Variants in ABCA13 observed in about 807,000 individuals in gnomAD.
The protein encoded by ABCA13 is ATP-binding cassette sub-family A member 13.
In ABCA13, 476 loss-of-function variants were observed where a neutral mutation model predicts 478.7. The observed-to-expected ratio is 0.99, with a 90% CI of 0.92 to 1.07. The LOEUF (loss-of-function observed/expected upper bound fraction) is 1.07. Ranked by LOEUF, ABCA13 falls within the 50% of genes least tolerant of loss-of-function variation. The probability of loss-of-function intolerance (pLI) is 0.00; values close to 1 mark genes in which losing one functional copy is unlikely to be tolerated. For missense variants in ABCA13, 6,060 were observed against 5,910.6 expected, an observed-to-expected ratio of 1.03 and a Z score of -0.83; for synonymous variants, 2,252 against 2,158.9, an observed-to-expected ratio of 1.04 and a Z score of -1.20.
chr7:48,394,357 A>G (rs1436770815), intron 38 of ABCA13, among the ~76,000 whole-genome samples: 3 of 152,112 alleles, frequency 2.0e-5, no homozygotes, highest in Non-Finnish European at 4.4e-5. Context: ...CCCTGAGCAC[A>G]CTGAACAGGC....
chr7:48,420,012 A>T (rs1340579707), intron 41 of ABCA13, among the ~76,000 whole-genome samples: 1 of 152,192 alleles, frequency 6.6e-6, no homozygotes, highest in African/African-American at 2.4e-5. Flanking sequence ...TGTCTCAACC[A>T]ATTTTGTCTC....
At chr7:48,519,970 A>G (rs1832421765) in intron 52 of ABCA13, 71 bp from the exon 53 acceptor site, 2 of 1,423,798 alleles carry the variant, frequency 1.4e-6, no homozygotes, top group East Asian at 4.9e-5. Context: ...GAGAAAAAGA[A>G]GTTATTGGTA....
chr7:48,210,176 A>G (rs1785440627), intron 3 of ABCA13, among the ~76,000 whole-genome samples: 1 of 152,190 alleles, frequency 6.6e-6, no homozygotes, highest in South Asian at 2.1e-4. Context: ...TCATGGTGGA[A>G]GGGGAAGCAA....
chr7:48,588,153 G>T (rs1789376126), intron 57 of ABCA13, among the ~76,000 whole-genome samples: 1 of 152,124 alleles, frequency 6.6e-6, no homozygotes, highest in Non-Finnish European at 1.5e-5. Flanking sequence ...TCGTTTGCTG[G>T]TTGTCTCCTG....
chr7:48,465,044 A>G (rs1412763711), intron 43 of ABCA13, among the ~76,000 whole-genome samples: 1 of 152,106 alleles, frequency 6.6e-6, no homozygotes, highest in African/African-American at 2.4e-5. Context: ...GATCTGCCCA[A>G]TCAAACAGTG....
At chr7:48,364,940 G>A (rs1395810786) in intron 31 of ABCA13, among the ~76,000 whole-genome samples, 2 of 152,054 alleles carry the variant, frequency 1.3e-5, no homozygotes, top group Admixed American at 1.3e-4. Context: ...TGGAATTGCT[G>A]GGTCATATTG....
chr7:48,385,189 A>G (rs1027042317), intron 35 of ABCA13, among the ~76,000 whole-genome samples: 1 of 152,144 alleles, frequency 6.6e-6, no homozygotes. Flanking sequence ...GGTTTGTTAC[A>G]TAGGTAAATG....
chr7:48,636,510 CT>C (rs549014695), intron 59 of ABCA13, among the ~76,000 whole-genome samples: 53 of 152,308 alleles, frequency 3.5e-4, no homozygotes, highest in African/African-American at 1.3e-3. Flanking sequence ...GGACCCTTGT[CT>C]CAAGGGTTCT....
chr7:48,229,707 C>A, intron 6 of ABCA13, 118 bp from the exon 7 acceptor site: 1 of 1,197,970 alleles, frequency 8.3e-7, no homozygotes, highest in Non-Finnish European at 1.2e-6. Flanking sequence ...AATGGTCCAG[C>A]CACATCTTGC....
chr7:48,190,207 T>C (rs754246922), intron 1 of ABCA13, among the ~76,000 whole-genome samples: 38 of 152,344 alleles, frequency 2.5e-4, no homozygotes, highest in Admixed American at 9.8e-4. Context: ...TACACTTCAG[T>C]GCAGTAATCC....
chr7:48,564,816 T>C (rs1314650696), intron 55 of ABCA13, among the ~76,000 whole-genome samples: 1 of 152,160 alleles, frequency 6.6e-6, no homozygotes, highest in Non-Finnish European at 1.5e-5. Flanking sequence ...TGGAAAATAA[T>C]ACAAATATGT....
At chr7:48,522,438 C>T (rs1362189127) in intron 53 of ABCA13, among the ~76,000 whole-genome samples, 3 of 152,144 alleles carry the variant, frequency 2.0e-5, no homozygotes, top group African/African-American at 7.2e-5. Context: ...CCTAGAGCTG[C>T]ACTTTTGCTG....
chr7:48,359,059 C>T (rs553098133), intron 31 of ABCA13, among the ~76,000 whole-genome samples: 26 of 152,068 alleles, frequency 1.7e-4, no homozygotes, highest in East Asian at 7.7e-4. Context: ...GCCAGTTTTG[C>T]GCCAGCTTTG....
At chr7:48,252,758 G>C (rs544978250) in intron 15 of ABCA13, among the ~76,000 whole-genome samples, 1 of 152,238 alleles carries the variant, frequency 6.6e-6, no homozygotes, top group Admixed American at 6.5e-5. Context: ...ATTTAAGGTA[G>C]TTGTTTTAAT....
intron 34 of ABCA13, among the ~76,000 whole-genome samples, chr7:48,375,819 G>T (rs942172058): frequency 6.6e-5 from 10 of 151,972 alleles, no homozygotes; most frequent in African/African-American, 2.4e-4. Flanking sequence ...GAATCAAAAT[G>T]ATAGAAACAA....
At chr7:48,178,979 T>C (rs879374112) in intron 1 of ABCA13, among the ~76,000 whole-genome samples, 20,967 of 74,434 alleles carry the variant, frequency 0.28, 1,761 homozygotes, top group African/African-American at 0.39. Flanking sequence ...CAAAAACTAA[T>C]AATAATAATA....
chr7:48,619,985 A>G (rs930468359), intron 59 of ABCA13, among the ~76,000 whole-genome samples: 3 of 152,170 alleles, frequency 2.0e-5, no homozygotes, highest in Non-Finnish European at 4.4e-5. Context: ...GCCTTGATCT[A>G]AAGGCAGGAG....
chr7:48,606,629 T>G (rs1264158099), intron 58 of ABCA13, among the ~76,000 whole-genome samples: 1 of 152,182 alleles, frequency 6.6e-6, no homozygotes, highest in Non-Finnish European at 1.5e-5. Flanking sequence ...GCCAGAGCTT[T>G]CCTGTATTAG....
At chr7:48,472,294 CG>C (rs1378638667) in intron 45 of ABCA13, among the ~76,000 whole-genome samples, 1 of 152,058 alleles carries the variant, frequency 6.6e-6, no homozygotes, top group Non-Finnish European at 1.5e-5. Context: ...ATTTGGAGAA[CG>C]TGTTTACAGG....
Sources: allele counts gnomAD v4.1 joint callset (sites outside exome capture counted in the v4.1 genomes callset), GRCh38; gene constraint gnomAD v4.1.1; transcripts MANE v1.5; gene names NCBI Gene and HGNC (gene_info 2026-07-23, HGNC 2026-07-21).